Variants in RBFOX1 observed in about 807,000 individuals in gnomAD.
RBFOX1 encodes RNA binding protein fox-1 homolog 1.
A neutral mutation model predicts 57.7 loss-of-function variants in RBFOX1; 8 were observed. That is an observed-to-expected ratio of 0.14 (90% CI 0.08 to 0.25). The LOEUF (loss-of-function observed/expected upper bound fraction) is 0.25, where lower values mean the gene tolerates loss of function less well. Among genes scored for constraint, RBFOX1 ranks in the 10% least tolerant of loss-of-function variants. The pLI, the probability that RBFOX1 is intolerant of heterozygous loss-of-function variation, is 1.00. For synonymous variants in RBFOX1, 326 were observed against 222.4 expected (o/e 1.47, Z -4.15); for missense variants, 611 against 548.5 (o/e 1.11, Z -1.14).
intron 1 of RBFOX1, among the ~76,000 whole-genome samples, chr16:6,098,329 C>T (rs1473702012): frequency 1.3e-5 from 2 of 152,194 alleles, no homozygotes; most frequent in Non-Finnish European, 2.9e-5. Context: ...CCACCGCCTG[C>T]CACAAACCCC....
At chr16:6,957,743 G>T (rs913580629) in intron 3 of RBFOX1, among the ~76,000 whole-genome samples, 1 of 152,114 alleles carries the variant, frequency 6.6e-6, no homozygotes, top group Non-Finnish European at 1.5e-5. Context: ...TATTGAAGAT[G>T]GAGTTGCTCT....
intron 4 of RBFOX1, among the ~76,000 whole-genome samples, chr16:7,422,164 G>C (rs1442728229): frequency 1.3e-5 from 2 of 152,150 alleles, no homozygotes; most frequent in Non-Finnish European, 2.9e-5. Context: ...GTACGTGTGC[G>C]TGTGTGTGCG....
intron 10 of RBFOX1, among the ~76,000 whole-genome samples, chr16:7,615,355 T>TG (rs2058270968): frequency 2.0e-5 from 3 of 151,794 alleles, no homozygotes; most frequent in African/African-American, 7.3e-5. Flanking sequence ...ATAATAATAA[T>TG]AATGAATGAA....
chr16:6,664,854 G>T (rs571905140), intron 3 of RBFOX1, among the ~76,000 whole-genome samples: 25 of 152,130 alleles, frequency 1.6e-4, no homozygotes, highest in Non-Finnish European at 3.1e-4. Context: ...GTTGAATCCC[G>T]GTTCTGCCCC....
chr16:6,164,051 A>G (rs2096898505), intron 1 of RBFOX1, among the ~76,000 whole-genome samples: 1 of 152,212 alleles, frequency 6.6e-6, no homozygotes, highest in Admixed American at 6.5e-5. Flanking sequence ...TTTAACAAAA[A>G]TTGCTGATAG....
At chr16:7,083,204 C>G (rs1567193723) in intron 4 of RBFOX1, among the ~76,000 whole-genome samples, 1 of 152,018 alleles carries the variant, frequency 6.6e-6, no homozygotes, top group Non-Finnish European at 1.5e-5. Context: ...ACGGAATGTT[C>G]CATTCCGTCT....
At chr16:7,001,783 A>G (rs751860669) in intron 3 of RBFOX1, among the ~76,000 whole-genome samples, 1 of 152,144 alleles carries the variant, frequency 6.6e-6, no homozygotes, top group Non-Finnish European at 1.5e-5. Context: ...GAAGCTTTTC[A>G]GAACCAGGAG....
intron 4 of RBFOX1, among the ~76,000 whole-genome samples, chr16:7,291,474 A>G (rs2095772345): frequency 1.3e-5 from 2 of 152,142 alleles, no homozygotes; most frequent in South Asian, 4.1e-4. Context: ...TGGGAGATGG[A>G]AGAGTTAAAA....
chr16:7,538,523 C>A (rs538686740), intron 5 of RBFOX1, among the ~76,000 whole-genome samples: 1 of 152,028 alleles, frequency 6.6e-6, no homozygotes, highest in African/African-American at 2.4e-5. Context: ...TAACTGGCAC[C>A]GAAGATTGAG....
chr16:6,138,683 T>C (rs958951853), intron 1 of RBFOX1, among the ~76,000 whole-genome samples: 1 of 152,120 alleles, frequency 6.6e-6, no homozygotes, highest in Non-Finnish European at 1.5e-5. Context: ...CTGGCTAACA[T>C]GGTGAAACCC....
chr16:6,890,190 C>T (rs1352878638), intron 3 of RBFOX1, among the ~76,000 whole-genome samples: 1 of 152,162 alleles, frequency 6.6e-6, no homozygotes, highest in Non-Finnish European at 1.5e-5. Context: ...AGAAACACTG[C>T]TGTAAGCCTT....
chr16:5,641,383 C>G (rs373517037), intron 3 of RBFOX1, among the ~76,000 whole-genome samples: 1 of 152,208 alleles, frequency 6.6e-6, no homozygotes, highest in Non-Finnish European at 1.5e-5. Flanking sequence ...CAAGTAGATA[C>G]CTGCTGCAGT....
chr16:7,025,146 C>A (rs1033103734), intron 3 of RBFOX1, among the ~76,000 whole-genome samples: 1 of 152,114 alleles, frequency 6.6e-6, no homozygotes, highest in Non-Finnish European at 1.5e-5. Flanking sequence ...ACAGAACAGC[C>A]CTGAAGGCTG....
At chr16:6,920,889 A>C (rs917250336) in intron 3 of RBFOX1, among the ~76,000 whole-genome samples, 1 of 152,090 alleles carries the variant, frequency 6.6e-6, no homozygotes, top group Non-Finnish European at 1.5e-5. Context: ...GGTCACATTC[A>C]CTGATATCAG....
chr16:6,818,557 C>T (rs76658764), intron 3 of RBFOX1, among the ~76,000 whole-genome samples: 4,433 of 152,276 alleles, frequency 0.029, 225 homozygotes, highest in Admixed American at 0.12. Context: ...ACTCTAGTTC[C>T]CTTTTTTCTT....
rs759255566 is a variant in RBFOX1, at chr16:7,470,700, A to T, written c.28-47447A>T. 5.3e-5 allele frequency among the ~76,000 whole-genome samples: 8 copies of T among 152,102 alleles called. 1 individual carries two copies. Among genetic ancestry groups the T allele is most frequent in the Non-Finnish European group, 1.2e-4 (8 of 68,022 alleles). On this transcript the variant is annotated intron_variant, in intron 4 of 15. Transcript: ENST00000550418. ...GTTAGATGGAAGAGTGGATGAATATATAGATGGGGGGAAAGATGAATATAT... is the reference window on the plus strand; with the variant it reads ...GTTAGATGGAAGAGTGGATGAATATTTAGATGGGGGGAAAGATGAATATAT...
intron 4 of RBFOX1, among the ~76,000 whole-genome samples, chr16:7,094,787 T>G (rs1438817650): frequency 1.5e-5 from 2 of 137,010 alleles, no homozygotes; most frequent in African/African-American, 5.1e-5. Context: ...GGTGTGTGTG[T>G]GTGTTGAGAG....
intron 4 of RBFOX1, among the ~76,000 whole-genome samples, chr16:7,344,496 G>A (rs997570045): frequency 4.7e-5 from 7 of 150,200 alleles, no homozygotes; most frequent in Non-Finnish European, 8.9e-5. Context: ...TATAGTTATA[G>A]GATAATTATA....
intron 3 of RBFOX1, among the ~76,000 whole-genome samples, chr16:7,001,398 T>TTGTATATGTATA (rs55910456): frequency 0.019 from 1,861 of 100,558 alleles, 17 homozygotes; most frequent in Non-Finnish European, 0.028. Flanking sequence ...GTATGTGTAT[T>TTGTATATGTATA]TGTATATGTA....
Sources: gnomAD v4.1 joint callset for allele counts (sites outside exome capture counted in the v4.1 genomes callset) on GRCh38, gnomAD v4.1.1 for gene constraint, MANE v1.5 for transcripts, NCBI Gene and HGNC (gene_info 2026-07-23, HGNC 2026-07-21) for gene names.